Variants in ENTREP2 observed in about 807,000 individuals in gnomAD.
ENTREP2 encodes the protein endosomal transmembrane epsin interactor 2.
At chr15:29,413,761 A>T in the ENTREP2 span, among the ~76,000 whole-genome samples, 3 of 152,090 alleles carry the variant, frequency 2.0e-5, no homozygotes, top group Non-Finnish European at 4.4e-5. Context: ...TAATCTGGGT[A>T]AGGAGAGACA....
the ENTREP2 span, among the ~76,000 whole-genome samples, chr15:29,418,516 G>A: frequency 6.6e-6 from 1 of 152,250 alleles, no homozygotes; most frequent in East Asian, 1.9e-4. Context: ...TATATAAATA[G>A]GCTAGGGCAG....
At chr15:29,502,127 T>C in the ENTREP2 span, among the ~76,000 whole-genome samples, 1 of 151,898 alleles carries the variant, frequency 6.6e-6, no homozygotes, top group African/African-American at 2.4e-5. Flanking sequence ...AAACTAATCC[T>C]ACAATTCATA....
At chr15:29,224,405 C>T in the ENTREP2 span, among the ~76,000 whole-genome samples, 3 of 152,176 alleles carry the variant, frequency 2.0e-5, no homozygotes, top group Non-Finnish European at 2.9e-5. Context: ...CGGGTTGCCA[C>T]TGCTGGCTCG....
chr15:29,620,969 C>T, the ENTREP2 span, among the ~76,000 whole-genome samples: 2 of 152,138 alleles, frequency 1.3e-5, no homozygotes, highest in African/African-American at 4.8e-5. Context: ...TATCGATTAT[C>T]CCAGGCATGT....
At chr15:29,130,283 T>C in the ENTREP2 span, among the ~76,000 whole-genome samples, 2 of 152,212 alleles carry the variant, frequency 1.3e-5, no homozygotes, top group Non-Finnish European at 2.9e-5. Flanking sequence ...CTCATTCTGC[T>C]GGGAGGGAAT....
At chr15:29,179,492 G>A in the ENTREP2 span, among the ~76,000 whole-genome samples, 26 of 152,198 alleles carry the variant, frequency 1.7e-4, 1 homozygote, top group Admixed American at 1.7e-3. Context: ...ATTGCCAGGA[G>A]CTAAAGGGAT....
At chr15:29,325,094 G>T in the ENTREP2 span, among the ~76,000 whole-genome samples, 1 of 152,170 alleles carries the variant, frequency 6.6e-6, no homozygotes, top group African/African-American at 2.4e-5. Context: ...ATAGCATATG[G>T]TTGAAAGAAG....
chr15:29,402,265 T>TTTATATATATATATATATATAC, the ENTREP2 span, among the ~76,000 whole-genome samples: 1 of 137,792 alleles, frequency 7.3e-6, no homozygotes, highest in Non-Finnish European at 1.6e-5. Context: ...TATATATATA[T>TTTATATATATATATATATATAC]ACACACACAT....
chr15:29,627,282 C>T, the ENTREP2 span, among the ~76,000 whole-genome samples: 28 of 152,188 alleles, frequency 1.8e-4, no homozygotes, highest in African/African-American at 5.3e-4. Context: ...TGGTGGCTCA[C>T]GCCTGTAATC....
the ENTREP2 span, among the ~76,000 whole-genome samples, chr15:29,155,659 G>A: frequency 6.6e-6 from 1 of 152,192 alleles, no homozygotes; most frequent in Non-Finnish European, 1.5e-5. Context: ...ACCCCAGGGA[G>A]TCTGCAGGGA....
chr15:29,232,417 AG>A, the ENTREP2 span, among the ~76,000 whole-genome samples: 1 of 152,138 alleles, frequency 6.6e-6, no homozygotes, highest in African/African-American at 2.4e-5. Flanking sequence ...TTTAAAAAAA[AG>A]TTTTTGAAAG....
chr15:29,157,091 T>A, the ENTREP2 span, among the ~76,000 whole-genome samples: 1 of 152,020 alleles, frequency 6.6e-6, no homozygotes, highest in African/African-American at 2.4e-5. Context: ...AGCGAGACTC[T>A]GTCTGGAAGA....
chr15:29,407,359 T>C, the ENTREP2 span, among the ~76,000 whole-genome samples: 20 of 152,266 alleles, frequency 1.3e-4, no homozygotes, highest in East Asian at 3.7e-3. Context: ...GAGGGAAGCG[T>C]TGGTGTGTGG....
the ENTREP2 span, among the ~76,000 whole-genome samples, chr15:29,497,925 TC>T: frequency 2.6e-5 from 4 of 152,214 alleles, no homozygotes; most frequent in African/African-American, 9.6e-5. Flanking sequence ...TAAACTTTCC[TC>T]TTAAAACTAC....
the ENTREP2 span, among the ~76,000 whole-genome samples, chr15:29,550,705 A>G: frequency 6.6e-6 from 1 of 152,248 alleles, no homozygotes; most frequent in Non-Finnish European, 1.5e-5. Flanking sequence ...TCTAATTTAA[A>G]TAAAATTCAT....
chr15:29,179,531 G>A, the ENTREP2 span, among the ~76,000 whole-genome samples: 54 of 152,208 alleles, frequency 3.5e-4, no homozygotes, highest in African/African-American at 1.2e-3. Flanking sequence ...TTGAGTCATC[G>A]GAGTCTGCGT....
chr15:29,668,860 C>A, the ENTREP2 span, among the ~76,000 whole-genome samples: 3 of 152,198 alleles, frequency 2.0e-5, no homozygotes, highest in African/African-American at 7.2e-5. Flanking sequence ...TAAAGTCGGT[C>A]AACACACCTG....
At chr15:29,482,141 G>A in the ENTREP2 span, among the ~76,000 whole-genome samples, 1 of 151,240 alleles carries the variant, frequency 6.6e-6, no homozygotes, top group Non-Finnish European at 1.5e-5. Flanking sequence ...GGGATTACAG[G>A]TGCCTGCAAC....
chr15:29,634,640 T>G, the ENTREP2 span, among the ~76,000 whole-genome samples: 1 of 152,060 alleles, frequency 6.6e-6, no homozygotes, highest in Non-Finnish European at 1.5e-5. Context: ...TCCCAGAGGG[T>G]GAGGGCTCTG....
Sources: allele counts gnomAD v4.1 joint callset (sites outside exome capture counted in the v4.1 genomes callset), GRCh38; gene constraint gnomAD v4.1.1; transcripts MANE v1.5; gene names NCBI Gene and HGNC (gene_info 2026-07-23, HGNC 2026-07-21).